Variants in CDK6 observed in about 807,000 individuals in gnomAD.
The protein encoded by CDK6 is cyclin-dependent kinase 6.
A neutral mutation model predicts 37.1 loss-of-function variants in CDK6; 6 were observed. That is an observed-to-expected ratio of 0.16 (90% CI 0.09 to 0.32). CDK6 has a LOEUF of 0.32. Among genes scored for constraint, CDK6 ranks in the 10% least tolerant of loss-of-function variants. CDK6 has a pLI of 1.00. For synonymous variants in CDK6, 160 were observed against 161.3 expected (o/e 0.99, Z 0.06); for missense variants, 224 against 418.9 (o/e 0.53, Z 4.06).
rs1183214844 is a variant in CDK6 at position 92,835,278 on chromosome 7, A to G, written c.-368+1200T>C. The G allele has an allele frequency of 2.8e-5, 4 of 143,372 alleles. No individual in the cohort carries two copies. The highest frequency in any genetic ancestry group is 6.1e-5 in the Non-Finnish European group (4 of 65,410). The allele number at this position is 143,372 out of a possible 1,614,324, so 8.9% of individuals were successfully genotyped here. On this transcript the variant is annotated intron_variant, in intron 1 of 7. Transcript: ENST00000424848. This position sits in a 1 kb window ranked among gnomAD's most constrained non-coding sequence, Gnocchi z 4.2. The stretch of plus-strand genomic sequence containing the variant: ...AACCCGCCTGTCCTGCATCCCCCCA[A>G]CCCCCTCCCGCTCGAGTCTAGCCCC...
intron 5 of CDK6, among the ~76,000 whole-genome samples, chr7:92,623,544 T>C (rs1795852162): frequency 6.6e-6 from 1 of 152,178 alleles, no homozygotes; most frequent in South Asian, 2.1e-4. Flanking sequence ...TCCTCAATGC[T>C]GCAGTGAACC....
chr7:92,767,954 T>C (rs1799623456), intron 3 of CDK6, among the ~76,000 whole-genome samples: 1 of 152,198 alleles, frequency 6.6e-6, no homozygotes, highest in Admixed American at 6.5e-5. Context: ...ATAAGTGATA[T>C]ACTTTGAATA....
intron 2 of CDK6, among the ~76,000 whole-genome samples, chr7:92,815,557 A>G (rs1342552028): frequency 6.6e-6 from 1 of 152,184 alleles, no homozygotes; most frequent in Non-Finnish European, 1.5e-5. Flanking sequence ...AGAGAGGGGA[A>G]GCAAATGAGG....
intron 4 of CDK6, among the ~76,000 whole-genome samples, chr7:92,672,159 A>G (rs1797087661): frequency 9.1e-6 from 1 of 109,618 alleles, no homozygotes; most frequent in Non-Finnish European, 1.7e-5. Flanking sequence ...ATATATATAT[A>G]TACACATACA....
At chr7:92,675,102 G>C (rs1196284073) in intron 4 of CDK6, among the ~76,000 whole-genome samples, 2 of 152,158 alleles carry the variant, frequency 1.3e-5, no homozygotes, top group Non-Finnish European at 2.9e-5. Context: ...CCAAAATGCT[G>C]GGATTACAGG....
chr7:92,616,594 G>T (rs531059362), intron 7 of CDK6, among the ~76,000 whole-genome samples: 2 of 152,164 alleles, frequency 1.3e-5, no homozygotes, highest in Admixed American at 1.3e-4. Flanking sequence ...CCAAAGGACC[G>T]GAAAGCAGGG....
At chr7:92,642,328 T>C (rs1024692929) in intron 5 of CDK6, among the ~76,000 whole-genome samples, 5 of 152,226 alleles carry the variant, frequency 3.3e-5, no homozygotes, top group Admixed American at 6.5e-5. Context: ...TGGTGGGATA[T>C]AGGGGGAGAG....
At chr7:92,786,698 C>T (rs1472326014) in intron 2 of CDK6, among the ~76,000 whole-genome samples, 1 of 147,954 alleles carries the variant, frequency 6.8e-6, no homozygotes, top group Non-Finnish European at 1.5e-5. Flanking sequence ...TGTATATATA[C>T]ACACACATAC....
intron 2 of CDK6, among the ~76,000 whole-genome samples, chr7:92,813,254 C>T (rs943005642): frequency 1.3e-5 from 2 of 151,808 alleles, no homozygotes; most frequent in Admixed American, 6.6e-5. Flanking sequence ...AGTAAATAAC[C>T]GTGAAAAGAA....
At chr7:92,830,652 G>C (rs1388309866) in intron 2 of CDK6, among the ~76,000 whole-genome samples, 1 of 152,204 alleles carries the variant, frequency 6.6e-6, no homozygotes, top group African/African-American at 2.4e-5. Context: ...TCTTAGTCTG[G>C]CCAAGCAAGT....
chr7:92,818,010 C>T (rs559574137), intron 2 of CDK6, among the ~76,000 whole-genome samples: 15 of 152,042 alleles, frequency 9.9e-5, no homozygotes, highest in Admixed American at 7.9e-4. Flanking sequence ...ACACCATGTT[C>T]GTGATCAGAA....
intron 4 of CDK6, chr7:92,724,896 C>T (rs893283119): frequency 6.8e-6 from 3 of 438,710 alleles, no homozygotes; most frequent in Middle Eastern, 1.1e-3. Context: ...TATTTCCAGG[C>T]TGCTCTTTTT....
chr7:92,648,582 C>T (rs995889051), intron 5 of CDK6, among the ~76,000 whole-genome samples: 2 of 152,020 alleles, frequency 1.3e-5, no homozygotes, highest in African/African-American at 4.8e-5. Flanking sequence ...TAGAACTTAC[C>T]ATCTCAATAA....
intron 3 of CDK6, among the ~76,000 whole-genome samples, chr7:92,729,152 T>C (rs1256600268): frequency 6.6e-6 from 1 of 152,180 alleles, no homozygotes; most frequent in Admixed American, 6.5e-5. Context: ...CAAGAAGTGT[T>C]TTCATCAAAG....
At chr7:92,618,919 C>T (rs1289019835) in intron 6 of CDK6, among the ~76,000 whole-genome samples, 20 of 152,070 alleles carry the variant, frequency 1.3e-4, no homozygotes, top group Admixed American at 1.2e-3. Flanking sequence ...GCACAGGCTT[C>T]GGAAATAGGC....
At chr7:92,689,286 C>T (rs749831409) in intron 4 of CDK6, among the ~76,000 whole-genome samples, 1 of 152,078 alleles carries the variant, frequency 6.6e-6, no homozygotes, top group Non-Finnish European at 1.5e-5. Flanking sequence ...TATGTTGTTC[C>T]CTTCTATGTG....
At chr7:92,771,307 TAAAAA>T (rs1410444815) in intron 3 of CDK6, among the ~76,000 whole-genome samples, 1 of 144,382 alleles carries the variant, frequency 6.9e-6, no homozygotes, top group African/African-American at 2.5e-5. Context: ...AAAAAATAAA[TAAAAA>T]TAAAATATCT....
At chr7:92,757,053 A>G (rs941114100) in intron 3 of CDK6, among the ~76,000 whole-genome samples, 3 of 152,260 alleles carry the variant, frequency 2.0e-5, no homozygotes, top group African/African-American at 7.2e-5. Flanking sequence ...CATTTCCAAA[A>G]TATACTATAT....
chr7:92,661,638 T>C (rs1224384266), intron 5 of CDK6, among the ~76,000 whole-genome samples: 4 of 152,222 alleles, frequency 2.6e-5, no homozygotes, highest in Non-Finnish European at 5.9e-5. Flanking sequence ...ATAAGGGTTT[T>C]CATCTTTCTC....
Sources: allele counts gnomAD v4.1 joint callset (sites outside exome capture counted in the v4.1 genomes callset), GRCh38; gene constraint gnomAD v4.1.1; non-coding constraint Gnocchi (gnomAD v3.1); transcripts MANE v1.5; gene names NCBI Gene and HGNC (gene_info 2026-07-23, HGNC 2026-07-21).